The following ZBTB38 variants were observed in gnomAD, a reference collection of about 807,000 sequenced individuals.
ZBTB38 encodes zinc finger and BTB domain containing 38.
ZBTB38 carries 20 observed loss-of-function variants against 76.8 expected under a neutral mutation model. The ratio of observed to expected loss-of-function variants is 0.26; its 90% confidence interval spans 0.18 to 0.38. The LOEUF (loss-of-function observed/expected upper bound fraction) is 0.38. Ranked by LOEUF, ZBTB38 falls within the 10% of genes least tolerant of loss-of-function variation. The pLI is 1.00. For missense variants in ZBTB38, 1,082 were observed against 1,482.3 expected (o/e 0.73, Z 4.43); for synonymous variants, 504 against 544.2 (o/e 0.93, Z 1.03).
intron 3 of ZBTB38, chr3:141,384,950 C>G (rs1946736954): frequency 6.6e-6 from 1 of 152,178 alleles, no homozygotes; most frequent in African/African-American, 2.4e-5. Flanking sequence ...GGGTACATTC[C>G]ATACACTAAG....
chr3:141,351,134 A>C (rs1340270694), intron 1 of ZBTB38, among the ~76,000 whole-genome samples: 1 of 152,220 alleles, frequency 6.6e-6, no homozygotes, highest in Admixed American at 6.5e-5. Context: ...TCTCTAGGTC[A>C]GGGAGGTGGT....
intron 2 of ZBTB38, among the ~76,000 whole-genome samples, chr3:141,375,627 A>C (rs112369713): frequency 4.4e-4 from 67 of 152,368 alleles, no homozygotes; most frequent in African/African-American, 1.5e-3. Context: ...GCATCACAAG[A>C]GCAGAGTAGG....
intron 5 of ZBTB38, among the ~76,000 whole-genome samples, chr3:141,414,359 A>C (rs1328020110): frequency 6.6e-6 from 1 of 152,192 alleles, no homozygotes; most frequent in Non-Finnish European, 1.5e-5. Flanking sequence ...CTCAGTGGCA[A>C]CCTGCCCAGT....
At chr3:141,425,633 C>A (rs529544079) in intron 5 of ZBTB38, among the ~76,000 whole-genome samples, 2 of 152,258 alleles carry the variant, frequency 1.3e-5, no homozygotes, top group African/African-American at 2.4e-5. Context: ...GTACCCCACA[C>A]GTGGCAGCCC....
chr3:141,339,097 G>A (rs914396881), intron 1 of ZBTB38, among the ~76,000 whole-genome samples: 1 of 152,110 alleles, frequency 6.6e-6, no homozygotes, highest in Non-Finnish European at 1.5e-5. Flanking sequence ...AGTGGGCCAT[G>A]CCAAATCTCA....
chr3:141,424,259 C>T (rs995274784), intron 5 of ZBTB38, among the ~76,000 whole-genome samples: 2 of 152,170 alleles, frequency 1.3e-5, no homozygotes, highest in Admixed American at 6.5e-5. Flanking sequence ...TGGCTCACAC[C>T]TGTAATCCCA....
At chr3:141,414,845 A>G (rs2073580601) in intron 5 of ZBTB38, among the ~76,000 whole-genome samples, 1 of 152,132 alleles carries the variant, frequency 6.6e-6, no homozygotes, top group Admixed American at 6.5e-5. Context: ...CTAGGCCTAG[A>G]CTGGGACAAT....
At chr3:141,353,674 A>C (rs1033076500) in intron 1 of ZBTB38, among the ~76,000 whole-genome samples, 1 of 152,182 alleles carries the variant, frequency 6.6e-6, no homozygotes, top group African/African-American at 2.4e-5. Flanking sequence ...TGAAGCCTGT[A>C]TCTTCCACAG....
At chr3:141,388,582 A>G (rs990611410) in intron 4 of ZBTB38, 3 of 152,224 alleles carry the variant, frequency 2.0e-5, no homozygotes, top group Non-Finnish European at 4.4e-5. Flanking sequence ...AACTTCTCAA[A>G]TATATTTTAG....
At chr3:141,378,585 A>G (rs913143952) in intron 2 of ZBTB38, among the ~76,000 whole-genome samples, 1 of 152,256 alleles carries the variant, frequency 6.6e-6, no homozygotes, top group Non-Finnish European at 1.5e-5. Context: ...AAAGTTGTTA[A>G]AACTATGTTT....
chr3:141,431,125 C>A (rs1438103563), intron 5 of ZBTB38, among the ~76,000 whole-genome samples: 4 of 151,766 alleles, frequency 2.6e-5, no homozygotes, highest in Non-Finnish European at 5.9e-5. Context: ...GAGCTTGAGA[C>A]CAGCCTGACC....
intron 5 of ZBTB38, among the ~76,000 whole-genome samples, chr3:141,417,391 C>A (rs139268936): frequency 1.5e-3 from 229 of 152,312 alleles, no homozygotes; most frequent in African/African-American, 5.3e-3. Flanking sequence ...GACTTCACAA[C>A]CTTCATTATC....
intron 5 of ZBTB38, among the ~76,000 whole-genome samples, chr3:141,419,870 C>G (rs2074960939): frequency 6.6e-6 from 1 of 152,112 alleles, no homozygotes; most frequent in African/African-American, 2.4e-5. Flanking sequence ...CCTATAATCC[C>G]AGCTACTCGG....
chr3:141,326,080 C>T (rs1051996539), intron 1 of ZBTB38, among the ~76,000 whole-genome samples: 4 of 151,970 alleles, frequency 2.6e-5, no homozygotes, highest in African/African-American at 9.7e-5. Context: ...AAAATCATCT[C>T]GAAGAGGCAT....
intron 5 of ZBTB38, among the ~76,000 whole-genome samples, chr3:141,404,334 C>T (rs1237454034): frequency 6.6e-6 from 1 of 152,206 alleles, no homozygotes; most frequent in Non-Finnish European, 1.5e-5. Flanking sequence ...GAAGGATGCA[C>T]TGACATTGCT....
chr3:141,338,682 TCC>T (rs1576642718), intron 1 of ZBTB38, among the ~76,000 whole-genome samples: 1 of 152,236 alleles, frequency 6.6e-6, no homozygotes, highest in East Asian at 1.9e-4. Flanking sequence ...TCAAAAAACT[TCC>T]TATCAGGTAC....
rs1228220073 is a variant in ZBTB38, at chr3:141,334,183, T to C, written c.-739+9727T>C. On this transcript the variant is annotated intron_variant, in intron 1 of 7. Transcript: ENST00000509842. ...TGTGGTTGGTTTGCATTCAGGATCA[T>C]GTTTAATGAAAAATCTTTAGATCCC... Among the ~76,000 whole-genome samples the C allele has an allele frequency of 2.6e-5, 4 of 151,262 alleles. No individual in the cohort carries two copies. The East Asian group carries it at 5.8e-4, about 22-fold the overall frequency.
At position 141,391,282 on chromosome 3, in the gene ZBTB38, G is replaced by T. The variant is rs565169283; in HGVS notation, c.-106+4345G>T. ...GATGTAGCATTTAAGTGAAGATCGT[G>T]TGCTGAGAAGGATCTAGTCAGGTGA... On this transcript the variant is annotated intron_variant, in intron 4 of 5. Coordinates refer to ENST00000321464, the MANE Select transcript of ZBTB38 (RefSeq NM_001376113.1). 4.6e-5 allele frequency among the ~76,000 whole-genome samples: 7 copies of T among 152,360 alleles called. No individual in the cohort carries two copies. The East Asian group carries it at 1.3e-3, about 29-fold the overall frequency.
intron 5 of ZBTB38, among the ~76,000 whole-genome samples, chr3:141,441,533 T>C (rs1199440488): frequency 6.6e-6 from 1 of 152,240 alleles, no homozygotes; most frequent in African/African-American, 2.4e-5. Context: ...TGAGTCACCA[T>C]AGGGCCAATA....
Sources: gnomAD v4.1 joint callset for allele counts (sites outside exome capture counted in the v4.1 genomes callset) on GRCh38, gnomAD v4.1.1 for gene constraint, MANE v1.5 for transcripts, NCBI Gene and HGNC (gene_info 2026-07-23, HGNC 2026-07-21) for gene names.